Variants in PLB1 observed in about 807,000 individuals in gnomAD.
The protein encoded by PLB1 is phospholipase B1.
Under a neutral mutation model 227.4 loss-of-function variants are expected in PLB1, and 242 were observed. The observed-to-expected ratio is 1.06, with a 90% CI of 0.96 to 1.18. PLB1 has a LOEUF of 1.18. PLB1 is among the 50% of genes most tolerant of loss of function. PLB1 has a pLI of 0.00. For missense variants in PLB1, 1,858 were observed against 1,816.3 expected (o/e 1.02, Z -0.42); for synonymous variants, 757 against 682.2 (o/e 1.11, Z -1.71).
intron 35 of PLB1, among the ~76,000 whole-genome samples, chr2:28,599,346 A>G (rs1471912343): frequency 6.6e-6 from 1 of 152,226 alleles, no homozygotes; most frequent in East Asian, 1.9e-4. Context: ...TTCTTGCTCT[A>G]TGCAGCTCCT....
At chr2:28,496,642 T>C (rs1359573672) in intron 1 of PLB1, among the ~76,000 whole-genome samples, 7 of 152,212 alleles carry the variant, frequency 4.6e-5, no homozygotes. Flanking sequence ...TTCTAAAAGA[T>C]TGCCTACATT....
chr2:28,548,778 T>A lies in PLB1; in HGVS notation c.937-82T>A. ...GCGTTCCCTGGTACTGCTGCTGGACTAATGAGTCTTTCTCACTGGTGACTT... is the reference window on the plus strand; with the variant it reads ...GCGTTCCCTGGTACTGCTGCTGGACAAATGAGTCTTTCTCACTGGTGACTT... On this transcript the variant is annotated intron_variant, in intron 14 of 57. Coordinates refer to ENST00000327757, the MANE Select transcript of PLB1 (RefSeq NM_153021.5). 3.8e-6 allele frequency: 5 copies of A among 1,331,826 alleles called. No homozygotes were observed. The South Asian group carries it at 6.0e-5, about 16-fold the overall frequency. 82.5% of individuals were successfully genotyped at this position (1,331,826 alleles called of 1,614,324 possible).
intron 23 of PLB1, 28 bp downstream of exon 23, chr2:28,579,735 C>T (rs772256104): frequency 1.3e-6 from 2 of 1,580,744 alleles, no homozygotes; most frequent in Non-Finnish European, 1.7e-6. Flanking sequence ...TTACTCAAGA[C>T]TCACCCCCAG....
chr2:28,614,240 TC>T, intron 44 of PLB1, 144 bp downstream of exon 44: 1 of 832,024 alleles, frequency 1.2e-6, no homozygotes, highest in South Asian at 1.6e-5. Flanking sequence ...CAGAAAAGGC[TC>T]CCGGACCACG....
chr2:28,552,864 C>A, intron 16 of PLB1, 64 bp from the exon 17 acceptor site: 1 of 1,397,468 alleles, frequency 7.2e-7, no homozygotes, highest in Non-Finnish European at 1.0e-6. Flanking sequence ...AGAGGCCCCA[C>A]TTCTCACCCA....
chr2:28,540,483 T>G, intron 12 of PLB1, 42 bp downstream of exon 12: 109 of 1,572,432 alleles, frequency 6.9e-5, no homozygotes, highest in Non-Finnish European at 9.0e-5. Context: ...CTCACCGGGG[T>G]GGCGTGGTCG....
At chr2:28,515,031 G>T (rs888067164) in intron 1 of PLB1, among the ~76,000 whole-genome samples, 2 of 152,088 alleles carry the variant, frequency 1.3e-5, no homozygotes, top group Non-Finnish European at 2.9e-5. Flanking sequence ...TGTCTGTAAA[G>T]TGGGGATGAT....
intron 6 of PLB1, among the ~76,000 whole-genome samples, chr2:28,528,982 C>G (rs914139162): frequency 1.1e-4 from 15 of 136,144 alleles, no homozygotes; most frequent in African/African-American, 3.6e-4. Context: ...GGGTCTTGCT[C>G]TGTTGCCCAG....
chr2:28,514,775 A>G (rs1303333215), intron 1 of PLB1, among the ~76,000 whole-genome samples: 6 of 152,222 alleles, frequency 3.9e-5, no homozygotes. Flanking sequence ...GAGTCAGATG[A>G]GCCAGACTGC....
intron 15 of PLB1, 38 bp from the exon 16 acceptor site, chr2:28,549,972 C>A: frequency 6.4e-7 from 1 of 1,561,758 alleles, no homozygotes; most frequent in Non-Finnish European, 8.8e-7. Context: ...ATACAGACTT[C>A]TAGGGTCACG....
intron 17 of PLB1, among the ~76,000 whole-genome samples, chr2:28,554,608 C>T (rs1019522846): frequency 6.7e-6 from 1 of 148,908 alleles, no homozygotes; most frequent in African/African-American, 2.5e-5. Flanking sequence ...CATAAACCAG[C>T]TCACCTGGTC....
At chr2:28,599,504 G>A (rs1286898317) in intron 35 of PLB1, among the ~76,000 whole-genome samples, 1 of 152,176 alleles carries the variant, frequency 6.6e-6, no homozygotes, top group Non-Finnish European at 1.5e-5. Context: ...TCCCACCACC[G>A]TGTCCTAGGA....
chr2:28,626,593 GCCCC>G, intron 51 of PLB1, 85 bp downstream of exon 51: 1 of 1,210,714 alleles, frequency 8.3e-7, no homozygotes, highest in Non-Finnish European at 1.2e-6. Context: ...CCCTGGCCCT[GCCCC>G]GAGCTCCTTG....
chr2:28,598,008 A>C lies in PLB1; in HGVS notation c.2325A>C (p.Ala775=), dbSNP rs756416462. The C allele has an allele frequency of 1.9e-6, 3 of 1,612,666 alleles. No individual in the cohort carries two copies. Among genetic ancestry groups the C allele is most frequent in the Non-Finnish European group, 2.5e-6 (3 of 1,178,844 alleles). The part of the protein sequence containing the change: ...TTQYRGLSYS[A]GGDGSLENVT... ...CTGGCTTGCTCACTCCCTACAGTGC[A>C]GGAGGGGACGGCTCCCTGGAGAATG... The change falls in exon 34 of 58, where the codon GCA becomes GCC. Residue 775 remains alanine, a synonymous_variant. Coordinates refer to ENST00000327757, the MANE Select transcript of PLB1 (RefSeq NM_153021.5).
rs754325325 is a variant in PLB1 at position 28,519,657 on chromosome 2, A to C, written c.185-48A>C. ...CCATACGGTATCCTTGGCCGACATC[A>C]TGGGGAATGTAGATCTGACCTTCCT... On this transcript the variant is annotated intron_variant, in intron 3 of 57. Transcript: ENST00000327757. 2.3e-5 allele frequency: 33 copies of C among 1,417,962 alleles called. No individual in the cohort carries two copies. The Middle Eastern group carries it at 5.3e-4, about 23-fold the overall frequency. The allele number at this position is 1,417,962 out of a possible 1,614,324, so 87.8% of individuals were successfully genotyped here. A position where few individuals can be genotyped will look rare whatever the true frequency, so the allele number is the denominator to read the frequency against.
intron 33 of PLB1, among the ~76,000 whole-genome samples, chr2:28,597,463 G>A (rs916066880): frequency 7.2e-5 from 11 of 152,128 alleles, no homozygotes; most frequent in African/African-American, 2.4e-4. Flanking sequence ...GGTGTACCTT[G>A]AAGTTAGATT....
Position 28,529,423 on chromosome 2 carries a change from G to C in PLB1, c.416+16G>C, listed in dbSNP as rs1194673145. On this transcript the variant is annotated intron_variant, in intron 7 of 57. Transcript: ENST00000327757. Reference sequence around the variant, plus strand: ...ATGGTGCTGAGTAAGTTCCCTTTCTGTCTCTCTCTGAGGTTATGTGTTCCT... The same window carrying C: ...ATGGTGCTGAGTAAGTTCCCTTTCTCTCTCTCTCTGAGGTTATGTGTTCCT... 1 of 1,562,860 alleles carries C rather than the reference G, an allele frequency of 6.4e-7. No individual in the cohort carries two copies. Among genetic ancestry groups the C allele is most frequent in the South Asian group, 1.1e-5 (1 of 89,962 alleles).
intron 17 of PLB1, among the ~76,000 whole-genome samples, chr2:28,562,540 C>CAAAAAAA (rs60393903): frequency 2.1e-4 from 9 of 42,582 alleles, no homozygotes; most frequent in African/African-American, 5.5e-4. Context: ...GACTCTGTCT[C>CAAAAAAA]AAAAAAAAAA....
At chr2:28,639,066 TAAAA>T (rs35534591) in intron 56 of PLB1, among the ~76,000 whole-genome samples, 22 of 130,506 alleles carry the variant, frequency 1.7e-4, no homozygotes, top group African/African-American at 5.0e-4. Flanking sequence ...AGATTCCATC[TAAAA>T]AAAAAAAAAA....
Sources: allele counts gnomAD v4.1 joint callset (sites outside exome capture counted in the v4.1 genomes callset), GRCh38; gene constraint gnomAD v4.1.1; transcripts MANE v1.5; gene names NCBI Gene and HGNC (gene_info 2026-07-23, HGNC 2026-07-21).